The following RELL1 variants were observed in gnomAD, a reference collection of about 807,000 sequenced individuals.
The protein encoded by RELL1 is RELT like 1.
In RELL1, 10 loss-of-function variants were observed where a neutral mutation model predicts 23.0. That is an observed-to-expected ratio of 0.43 (90% CI 0.27 to 0.74). The LOEUF is 0.74. Ranked by LOEUF, RELL1 falls within the 30% of genes least tolerant of loss-of-function variation. RELL1 has a pLI of 0.19. For synonymous variants in RELL1, 146 were observed against 146.8 expected, an observed-to-expected ratio of 0.99 and a Z score of 0.04; for missense variants, 315 against 364.4, an observed-to-expected ratio of 0.86 and a Z score of 1.10.
In RELL1 at chr4:37,638,441, A is replaced by G. The variant is rs1445035709; in HGVS notation, c.443+6T>C. On this transcript the variant is annotated splice_donor_region_variant and intron_variant, in intron 4 of 6. Coordinates refer to ENST00000454158, the MANE Select transcript of RELL1 (RefSeq NM_001085400.2). ...TCGCACTAAGAAAGAGGGGAGGAGC[A>G]CTCACCTTTCAGGATCATACAGGCT... 1.2e-6 allele frequency: 2 copies of G among 1,606,822 alleles called. No homozygotes were observed. The highest frequency in any genetic ancestry group is 1.7e-5 in the Admixed American group (1 of 59,600).
intron 6 of RELL1, among the ~76,000 whole-genome samples, chr4:37,618,140 T>C (rs765443846): frequency 1.6e-4 from 24 of 152,342 alleles, no homozygotes; most frequent in Admixed American, 6.5e-4. Context: ...GAATATTTTA[T>C]AACTTGTTTT....
At chr4:37,598,169 C>T (rs1223130229) in intron 6 of RELL1, among the ~76,000 whole-genome samples, 2 of 123,778 alleles carry the variant, frequency 1.6e-5, no homozygotes, top group African/African-American at 6.0e-5. Flanking sequence ...TGTTGGTTGG[C>T]TGCAAATGAC....
chr4:37,631,054 C>A (rs1176523729), intron 6 of RELL1, among the ~76,000 whole-genome samples: 1 of 152,030 alleles, frequency 6.6e-6, no homozygotes, highest in Non-Finnish European at 1.5e-5. Flanking sequence ...TGCTTTCTGC[C>A]TCGTGGTAAT....
At chr4:37,592,734 G>T (rs112192612) in intron 6 of RELL1, among the ~76,000 whole-genome samples, 36 of 151,676 alleles carry the variant, frequency 2.4e-4, no homozygotes, top group Non-Finnish European at 4.4e-4. Context: ...TTACCCATCT[G>T]TAAAGTGAGA....
rs376539727 is a variant in RELL1 at position 37,634,853 on chromosome 4, A to G, written c.680+34T>C. 3.8e-6 allele frequency: 6 copies of G among 1,580,388 alleles called. No individual in the cohort carries two copies. In the African/African-American group the frequency reaches 5.4e-5, roughly 14 times the overall value. On this transcript the variant is annotated intron_variant, in intron 5 of 6. Coordinates refer to ENST00000454158, the MANE Select transcript of RELL1 (RefSeq NM_001085400.2). ...GTCCACACACCAGAGCACCCATGTC[A>G]CACACAAACCAAAAGCATCTGAAGG...
intron 5 of RELL1, among the ~76,000 whole-genome samples, chr4:37,632,084 GAAAAAAAAA>G (rs1183120605): frequency 3.4e-4 from 15 of 44,460 alleles, no homozygotes; most frequent in African/African-American, 1.3e-3. Flanking sequence ...TCTCAATAAG[GAAAAAAAAA>G]AAAAAAAAAA....
intron 6 of RELL1, among the ~76,000 whole-genome samples, chr4:37,604,832 T>C (rs77038011): frequency 0.63 from 56,606 of 90,544 alleles, 15,125 homozygotes; most frequent in Admixed American, 0.69. Flanking sequence ...GACACACACA[T>C]ACACACAGAC....
chr4:37,661,356 T>G (rs1486058868), intron 1 of RELL1, among the ~76,000 whole-genome samples: 1 of 152,204 alleles, frequency 6.6e-6, no homozygotes, highest in Non-Finnish European at 1.5e-5. Context: ...CTCAGCTCAC[T>G]GCAACCTCTG....
exon 7 of RELL1, chr4:37,590,899 G>A: frequency 6.2e-7 from 1 of 1,614,252 alleles, no homozygotes; most frequent in Non-Finnish European, 8.5e-7. Flanking sequence ...CTCCGATGGA[G>A]ATGGGGATGG....
intron 3 of RELL1, among the ~76,000 whole-genome samples, chr4:37,644,277 C>A (rs1720621675): frequency 6.6e-6 from 1 of 151,878 alleles, no homozygotes; most frequent in Admixed American, 6.6e-5. Flanking sequence ...ACCCCAAACA[C>A]CCTCTCTGCT....
intron 6 of RELL1, among the ~76,000 whole-genome samples, chr4:37,615,110 G>A (rs1012747240): frequency 1.3e-5 from 2 of 152,176 alleles, no homozygotes; most frequent in African/African-American, 2.4e-5. Flanking sequence ...CGCTTAATAC[G>A]AGGAAAAGCA....
chr4:37,680,460 A>G (rs1316297718), intron 1 of RELL1, among the ~76,000 whole-genome samples: 1 of 152,240 alleles, frequency 6.6e-6, no homozygotes, highest in African/African-American at 2.4e-5. Context: ...AATCTCCCAA[A>G]TAGATACATA....
chr4:37,590,413 A>G (rs1718540893), downstream of RELL1: 1 of 1,613,292 alleles, frequency 6.2e-7, no homozygotes, highest in African/African-American at 1.3e-5. Flanking sequence ...CCAGGATGAC[A>G]GGGGCTCCTG....
At chr4:37,625,528 C>G (rs1719906200) in intron 6 of RELL1, among the ~76,000 whole-genome samples, 1 of 151,932 alleles carries the variant, frequency 6.6e-6, no homozygotes, top group Non-Finnish European at 1.5e-5. Flanking sequence ...AAACAAATAA[C>G]CCAATTTAAA....
At chr4:37,651,787 T>A (rs146167422) in intron 1 of RELL1, among the ~76,000 whole-genome samples, 2,791 of 152,296 alleles carry the variant, frequency 0.018, 42 homozygotes, top group Non-Finnish European at 0.027. Context: ...CAGGAGGAAC[T>A]TCAAGTAGAA....
chr4:37,660,813 C>G (rs1036415381), intron 1 of RELL1, among the ~76,000 whole-genome samples: 9 of 152,106 alleles, frequency 5.9e-5, no homozygotes, highest in Non-Finnish European at 1.0e-4. Flanking sequence ...GGGCAGATCA[C>G]AAGGTCAGGA....
rs1274399427 is a variant in RELL1 at position 37,604,645 on chromosome 4, CTG to C, written c.*4-13430_*4-13429del. On this transcript the variant is annotated intron_variant, in intron 6 of 6. Coordinates refer to the RELL1 transcript ENST00000314117. ...GGAATGCAGATGGTGACAAATGACT[CTG>C]TGTTACAAATGAGTCACATTACCAT... Among the ~76,000 whole-genome samples, 18 of 152,084 alleles carry C rather than the reference CTG, an allele frequency of 1.2e-4. 1 individual carries two copies. Among genetic ancestry groups the C allele is most frequent in the Non-Finnish European group, 2.6e-4 (18 of 68,026 alleles).
At chr4:37,660,275 T>C (rs1293327810) in intron 1 of RELL1, among the ~76,000 whole-genome samples, 1 of 151,972 alleles carries the variant, frequency 6.6e-6, no homozygotes, top group Admixed American at 6.6e-5. Context: ...GGCCTCAGTT[T>C]CCTCATCTAA....
chr4:37,628,220 A>C (rs1158639986), intron 6 of RELL1, among the ~76,000 whole-genome samples: 1 of 152,128 alleles, frequency 6.6e-6, no homozygotes, highest in Non-Finnish European at 1.5e-5. Flanking sequence ...CTCGTCTTGG[A>C]CCCAGTTGAA....
Sources: allele counts gnomAD v4.1 joint callset (sites outside exome capture counted in the v4.1 genomes callset), GRCh38; gene constraint gnomAD v4.1.1; transcripts MANE v1.5; gene names NCBI Gene and HGNC (gene_info 2026-07-23, HGNC 2026-07-21).